The following SAMD4A variants were observed in gnomAD, a reference collection of about 807,000 sequenced individuals.
SAMD4A encodes sterile alpha motif domain containing 4A.
In SAMD4A, 33 loss-of-function variants were observed where a neutral mutation model predicts 81.3. The observed-to-expected ratio is 0.41, with a 90% CI of 0.31 to 0.54. The LOEUF is 0.54. SAMD4A is among the 20% of genes least tolerant of loss of function. The pLI, the probability that SAMD4A is intolerant of heterozygous loss-of-function variation, is 0.37. For missense variants in SAMD4A, 854 were observed against 951.1 expected (o/e 0.90, Z 1.34); for synonymous variants, 389 against 382.1 (o/e 1.02, Z -0.21).
At chr14:54,786,801 T>C (rs1367333406) in intron 12 of SAMD4A, among the ~76,000 whole-genome samples, 2 of 152,346 alleles carry the variant, frequency 1.3e-5, no homozygotes, top group East Asian at 3.9e-4. Flanking sequence ...AAAGACTTCG[T>C]TTTTTTCAGT....
intron 2 of SAMD4A, chr14:54,681,954 G>A: frequency 1.0e-6 from 1 of 985,430 alleles, no homozygotes; most frequent in Non-Finnish European, 1.2e-6. Context: ...CAGAGCCATT[G>A]AAGACAGACC....
At chr14:54,581,713 A>G (rs1015999534) in intron 2 of SAMD4A, among the ~76,000 whole-genome samples, 8 of 152,230 alleles carry the variant, frequency 5.3e-5, no homozygotes, top group African/African-American at 1.9e-4. Context: ...CAGGGATTCT[A>G]TACCTATTTT....
intron 11 of SAMD4A, among the ~76,000 whole-genome samples, chr14:54,783,787 C>A (rs28648747): frequency 4.6e-5 from 7 of 152,136 alleles, no homozygotes; most frequent in Admixed American, 1.3e-4. Flanking sequence ...TAAAGCCCCC[C>A]ACGTGGTCTC....
chr14:54,717,671 C>T (rs1003611040), intron 3 of SAMD4A, among the ~76,000 whole-genome samples: 1 of 152,072 alleles, frequency 6.6e-6, no homozygotes, highest in African/African-American at 2.4e-5. Context: ...GGCTAAAGTT[C>T]AAAGTCTGAG....
chr14:54,717,635 A>T (rs1487658773), intron 3 of SAMD4A, among the ~76,000 whole-genome samples: 1 of 152,066 alleles, frequency 6.6e-6, no homozygotes. Flanking sequence ...GTAGCTCTAA[A>T]TTCACCTGGA....
chr14:54,609,678 C>A (rs1594729869), intron 2 of SAMD4A, among the ~76,000 whole-genome samples: 1 of 152,308 alleles, frequency 6.6e-6, no homozygotes, highest in East Asian at 1.9e-4. Context: ...ACGAGTGCAT[C>A]ATTACAGGTT....
chr14:54,602,150 T>C (rs1399382090), intron 2 of SAMD4A, among the ~76,000 whole-genome samples: 1 of 152,170 alleles, frequency 6.6e-6, no homozygotes, highest in African/African-American at 2.4e-5. Flanking sequence ...GGCCATGGAT[T>C]AGATAACTGT....
In SAMD4A at chr14:54,737,264, A is replaced by G. The variant is rs747300986; in HGVS notation, c.956A>G (p.Gln319Arg). 1.2e-6 allele frequency: 2 copies of G among 1,614,174 alleles called. No individual in the cohort carries two copies. Among genetic ancestry groups the G allele is most frequent in the Non-Finnish European group, 1.7e-6 (2 of 1,180,028 alleles). ...EDQTTARNTF[Q>R]EEGSGMKDVP... Reference sequence around the variant, plus strand: ...CAGACCACTGCTCGTAACACATTCCAAGAAGAAGGTAGTGGGATGAAAGGT... The same window carrying G: ...CAGACCACTGCTCGTAACACATTCCGAGAAGAAGGTAGTGGGATGAAAGGT... Residue 319 changes from glutamine (Q) to arginine (R), a missense_variant, in exon 4 of 13, where the codon CAA becomes CGA. By Grantham distance (43) the Gln-to-Arg change is conservative. Transcript: ENST00000554335.
At chr14:54,583,029 C>G (rs369466822) in intron 2 of SAMD4A, among the ~76,000 whole-genome samples, 4 of 152,094 alleles carry the variant, frequency 2.6e-5, no homozygotes, top group African/African-American at 9.7e-5. Flanking sequence ...CTGCAACCTC[C>G]GCCTCCTGGG....
intron 4 of SAMD4A, among the ~76,000 whole-genome samples, chr14:54,737,542 C>CTTTTTT (rs758410575): frequency 1.2e-5 from 1 of 85,446 alleles, no homozygotes; most frequent in African/African-American, 4.7e-5. Flanking sequence ...CTCTCTCTCT[C>CTTTTTT]TTTTTTTTTT....
At chr14:54,734,049 T>C (rs1036585562) in intron 3 of SAMD4A, among the ~76,000 whole-genome samples, 3 of 152,218 alleles carry the variant, frequency 2.0e-5, no homozygotes, top group African/African-American at 7.2e-5. Context: ...CCAAACAAAG[T>C]GCTCCAGCAC....
At chr14:54,672,969 G>A (rs924227789) in intron 2 of SAMD4A, among the ~76,000 whole-genome samples, 2 of 152,158 alleles carry the variant, frequency 1.3e-5, no homozygotes, top group Non-Finnish European at 2.9e-5. Flanking sequence ...GAGACTCACC[G>A]GAAGAGATCT....
intron 2 of SAMD4A, among the ~76,000 whole-genome samples, chr14:54,583,283 C>T (rs1437711916): frequency 6.6e-6 from 1 of 152,134 alleles, no homozygotes; most frequent in Non-Finnish European, 1.5e-5. Context: ...ATGGGGCATA[C>T]TTATACCACA....
intron 2 of SAMD4A, among the ~76,000 whole-genome samples, chr14:54,585,858 G>A (rs1235266727): frequency 6.6e-6 from 1 of 152,046 alleles, no homozygotes; most frequent in Non-Finnish European, 1.5e-5. Context: ...ATTTGGGCTC[G>A]TTCCATATTT....
At chr14:54,724,004 G>GGAAGGAAGGAAGGAAGGAAGGAAGGAA in intron 3 of SAMD4A, among the ~76,000 whole-genome samples, 1 of 107,656 alleles carries the variant, frequency 9.3e-6, no homozygotes, top group Admixed American at 1.1e-4. Flanking sequence ...ATGGATGGAT[G>GGAAGGAAGGAAGGAAGGAAGGAAGGAA]GATGGAAGGA....
chr14:54,595,449 A>T (rs989994086), intron 2 of SAMD4A, among the ~76,000 whole-genome samples: 2 of 148,526 alleles, frequency 1.3e-5, no homozygotes, highest in South Asian at 4.2e-4. Context: ...TATATAAAAA[A>T]TATATACTGT....
chr14:54,641,033 A>G (rs1280944126), intron 2 of SAMD4A, among the ~76,000 whole-genome samples: 4 of 152,160 alleles, frequency 2.6e-5, no homozygotes, highest in Non-Finnish European at 4.4e-5. Flanking sequence ...CTGCTCAATA[A>G]AAGCTCGGCT....
intron 2 of SAMD4A, among the ~76,000 whole-genome samples, chr14:54,661,035 A>C (rs2035632466): frequency 6.6e-6 from 1 of 152,198 alleles, no homozygotes; most frequent in African/African-American, 2.4e-5. Flanking sequence ...AACATAATAG[A>C]GTGAAAGGCA....
intron 9 of SAMD4A, among the ~76,000 whole-genome samples, chr14:54,772,428 G>A (rs1177331187): frequency 5.3e-5 from 8 of 152,060 alleles, no homozygotes; most frequent in African/African-American, 1.4e-4. Context: ...AATAACCCTC[G>A]AAGGGTCCCA....
Sources: gnomAD v4.1 joint callset for allele counts (sites outside exome capture counted in the v4.1 genomes callset) on GRCh38, gnomAD v4.1.1 for gene constraint, MANE v1.5 for transcripts, NCBI Gene and HGNC (gene_info 2026-07-23, HGNC 2026-07-21) for gene names.